OTUD7A: variants seen among roughly 807,000 people sequenced by gnomAD.
OTUD7A encodes the protein OTU domain-containing protein 7A.
A neutral mutation model predicts 65.7 loss-of-function variants in OTUD7A; 12 were observed. The observed-to-expected ratio is 0.18, with a 90% CI of 0.12 to 0.30. The LOEUF (loss-of-function observed/expected upper bound fraction) is 0.30. Ranked by LOEUF, OTUD7A falls within the 10% of genes least tolerant of loss-of-function variation. OTUD7A has a pLI of 1.00. For missense variants in OTUD7A, 1,148 were observed against 1,304.8 expected, an observed-to-expected ratio of 0.88 and a Z score of 1.85; for synonymous variants, 641 against 586.3, an observed-to-expected ratio of 1.09 and a Z score of -1.35.
intron 1 of OTUD7A, among the ~76,000 whole-genome samples, chr15:31,755,732 A>T (rs1894794623): frequency 6.6e-6 from 1 of 152,098 alleles, no homozygotes; most frequent in African/African-American, 2.4e-5. Flanking sequence ...AAAAAAAAAA[A>T]AAAGTACTGG....
chr15:31,634,493 T>C (rs1891278765), intron 3 of OTUD7A, among the ~76,000 whole-genome samples: 1 of 152,196 alleles, frequency 6.6e-6, no homozygotes. Flanking sequence ...ACGTGCTCTG[T>C]GTTCTGCCGG....
intron 1 of OTUD7A, among the ~76,000 whole-genome samples, chr15:31,817,126 C>A (rs1342450515): frequency 6.6e-6 from 1 of 152,054 alleles, no homozygotes; most frequent in Non-Finnish European, 1.5e-5. Flanking sequence ...CTATGAGCAC[C>A]GTTTCCCTGG....
chr15:31,488,411 G>A (rs1014607241), intron 10 of OTUD7A, among the ~76,000 whole-genome samples: 2 of 152,196 alleles, frequency 1.3e-5, no homozygotes, highest in Admixed American at 6.5e-5. Context: ...CTGAGCTGCT[G>A]GGGGACCTGA....
chr15:31,625,979 G>C (rs1240680154), intron 3 of OTUD7A, among the ~76,000 whole-genome samples: 1 of 129,674 alleles, frequency 7.7e-6, no homozygotes, highest in Non-Finnish European at 1.5e-5. Context: ...AATCAATCTA[G>C]GAATGCAAAA....
chr15:31,568,946 A>T (rs148041198), intron 4 of OTUD7A, among the ~76,000 whole-genome samples: 42 of 152,310 alleles, frequency 2.8e-4, no homozygotes, highest in African/African-American at 8.9e-4. Context: ...ACTTCCTGTA[A>T]AGCCTGCAGA....
chr15:31,743,417 A>G (rs543623074), intron 1 of OTUD7A, among the ~76,000 whole-genome samples: 6 of 152,342 alleles, frequency 3.9e-5, no homozygotes, highest in Non-Finnish European at 8.8e-5. Context: ...TGAAGATAAT[A>G]AAAACATATA....
chr15:31,680,374 A>G (rs1892684695), intron 1 of OTUD7A, among the ~76,000 whole-genome samples: 1 of 152,242 alleles, frequency 6.6e-6, no homozygotes, highest in Non-Finnish European at 1.5e-5. Flanking sequence ...ATAGCTGGAA[A>G]TGTAAAAAAA....
intron 9 of OTUD7A, among the ~76,000 whole-genome samples, chr15:31,502,907 C>T (rs1371304981): frequency 6.6e-6 from 1 of 152,198 alleles, no homozygotes; most frequent in South Asian, 2.1e-4. Context: ...TTTATGGCAG[C>T]TGTGATTTAG....
chr15:31,664,753 T>G (rs2141288758), intron 1 of OTUD7A, among the ~76,000 whole-genome samples: 1 of 152,238 alleles, frequency 6.6e-6, no homozygotes, highest in Non-Finnish European at 1.5e-5. Flanking sequence ...CTACAAGGGG[T>G]TTTCCAATGT....
chr15:31,623,469 C>T (rs1445550240), intron 3 of OTUD7A, among the ~76,000 whole-genome samples: 1 of 152,166 alleles, frequency 6.6e-6, no homozygotes, highest in Non-Finnish European at 1.5e-5. Context: ...CAATGGCGGG[C>T]GCCCCTCCCC....
chr15:31,567,969 G>T (rs183369580), intron 4 of OTUD7A, among the ~76,000 whole-genome samples: 1 of 152,270 alleles, frequency 6.6e-6, no homozygotes, highest in Non-Finnish European at 1.5e-5. Flanking sequence ...AAAAGCCTGG[G>T]TGTCCAGGCA....
intron 3 of OTUD7A, among the ~76,000 whole-genome samples, chr15:31,643,351 T>C (rs1334702575): frequency 1.3e-5 from 2 of 152,186 alleles, no homozygotes; most frequent in African/African-American, 4.8e-5. Flanking sequence ...ATATTTTCCA[T>C]TGCTATGTCT....
rs562382342 is a variant in OTUD7A at position 31,720,799 on chromosome 15, T to C, written c.-99-63722A>G. ...GTCCTGGCCTTCACATTCACCACCC[T>C]GGCCTTCACATTCACCGCTCACTCA... On this transcript the variant is annotated intron_variant, in intron 1 of 12. Transcript: ENST00000307050. Among the ~76,000 whole-genome samples the C allele has an allele frequency of 5.4e-4, 81 of 151,358 alleles. 1 individual carries two copies. Among genetic ancestry groups the C allele is most frequent in the African/African-American group, 1.7e-3 (71 of 41,210 alleles).
chr15:31,616,750 G>T (rs1446751463), intron 3 of OTUD7A, among the ~76,000 whole-genome samples: 1 of 152,068 alleles, frequency 6.6e-6, no homozygotes, highest in African/African-American at 2.4e-5. Flanking sequence ...CACCTTGTTG[G>T]CCAGGCTGGT....
chr15:31,806,834 G>A (rs1444474782), intron 1 of OTUD7A, among the ~76,000 whole-genome samples: 3 of 152,210 alleles, frequency 2.0e-5, no homozygotes, highest in Non-Finnish European at 2.9e-5. Flanking sequence ...GTATTCTGCC[G>A]TCCGTGCTCT....
In OTUD7A at chr15:31,848,032, A is replaced by G. The variant is rs186263760; in HGVS notation, c.-100+22475T>C. Among the ~76,000 whole-genome samples the G allele has an allele frequency of 3.3e-3, 496 of 152,322 alleles. 1 individual carries two copies. Among genetic ancestry groups the G allele is most frequent in the Middle Eastern group, 6.8e-3 (2 of 294 alleles). ...AACATGTGCAGATTACAGTTCCCAC[A>G]TGAGATTGGGGAGGGGACACAGAGC... On this transcript the variant is annotated intron_variant, in intron 1 of 12. Transcript: ENST00000307050.
At chr15:31,622,251 C>A (rs1320854396) in intron 3 of OTUD7A, among the ~76,000 whole-genome samples, 1 of 152,084 alleles carries the variant, frequency 6.6e-6, no homozygotes, top group Non-Finnish European at 1.5e-5. Context: ...CTTGGAGTTG[C>A]TCTTCTCAAG....
At chr15:31,803,491 AG>A (rs1437815197) in intron 1 of OTUD7A, among the ~76,000 whole-genome samples, 2 of 152,198 alleles carry the variant, frequency 1.3e-5, no homozygotes, top group East Asian at 3.8e-4. Flanking sequence ...CAAGCTGTCC[AG>A]GAAGGCTCAG....
At chr15:31,627,882 A>G (rs1295400973) in intron 3 of OTUD7A, among the ~76,000 whole-genome samples, 1 of 152,160 alleles carries the variant, frequency 6.6e-6, no homozygotes, top group Non-Finnish European at 1.5e-5. Context: ...GGCTGCATAA[A>G]TGTCTTCTTT....
Sources: gnomAD v4.1 joint callset for allele counts (sites outside exome capture counted in the v4.1 genomes callset) on GRCh38, gnomAD v4.1.1 for gene constraint, MANE v1.5 for transcripts, NCBI Gene and HGNC (gene_info 2026-07-23, HGNC 2026-07-21) for gene names.